Variants in ZBTB16 observed in about 807,000 individuals in gnomAD.
ZBTB16 encodes zinc finger and BTB domain containing 16.
A neutral mutation model predicts 56.8 loss-of-function variants in ZBTB16; 8 were observed. The observed-to-expected ratio is 0.14, with a 90% confidence interval of 0.08 to 0.25. The LOEUF (loss-of-function observed/expected upper bound fraction) is 0.25. Among genes scored for constraint, ZBTB16 ranks in the 10% least tolerant of loss-of-function variants. ZBTB16 has a pLI of 1.00. For synonymous variants in ZBTB16, 363 were observed against 368.5 expected, an observed-to-expected ratio of 0.98 and a Z score of 0.17; for missense variants, 625 against 903.0, an observed-to-expected ratio of 0.69 and a Z score of 3.95.
rs934582668 is a variant in ZBTB16, at chr11:114,143,797, G to T, written c.1269-12540G>T. ...GCAGTCAGAGTCAAGGTTAAGAATC[G>T]ATCTCTTCATTCTGTTTCAAGATTA... On this transcript the variant is annotated intron_variant, in intron 2 of 6. Transcript: ENST00000335953. The surrounding 1 kb of genome is among the most constrained non-coding windows in gnomAD (Gnocchi z 6.4). 1.3e-5 allele frequency among the ~76,000 whole-genome samples: 2 copies of T among 152,178 alleles called. No individual in the cohort carries two copies. The highest frequency in any genetic ancestry group is 4.8e-5 in the African/African-American group (2 of 41,432).
At chr11:114,154,216 G>A (rs1478111768) in intron 2 of ZBTB16, among the ~76,000 whole-genome samples, 1 of 152,196 alleles carries the variant, frequency 6.6e-6, no homozygotes, top group Non-Finnish European at 1.5e-5. Flanking sequence ...GGTCACTCTA[G>A]TGTCCCTTTG....
intron 2 of ZBTB16, among the ~76,000 whole-genome samples, chr11:114,066,326 C>T (rs1939116180): frequency 6.6e-6 from 1 of 151,874 alleles, no homozygotes; most frequent in Admixed American, 6.6e-5. Flanking sequence ...CCAGTGGGTG[C>T]GAAAAATAAC....
intron 2 of ZBTB16, among the ~76,000 whole-genome samples, chr11:114,154,171 G>GT (rs1942346267): frequency 6.6e-6 from 1 of 152,206 alleles, no homozygotes; most frequent in Admixed American, 6.5e-5. Flanking sequence ...CCAGAGGGGA[G>GT]TTTAGCCTGG....
intron 2 of ZBTB16, among the ~76,000 whole-genome samples, chr11:114,086,023 G>C (rs1040865764): frequency 1.3e-5 from 2 of 152,112 alleles, no homozygotes; most frequent in Non-Finnish European, 2.9e-5. Context: ...GGGTGGTGGT[G>C]GTAAAGAGCC....
chr11:114,189,261 T>C (rs1416804896), intron 4 of ZBTB16: 1 of 152,096 alleles, frequency 6.6e-6, no homozygotes, highest in Non-Finnish European at 1.5e-5. Flanking sequence ...AATTAAATAA[T>C]GGGCAAAGGT....
intron 2 of ZBTB16, among the ~76,000 whole-genome samples, chr11:114,120,969 T>G (rs2137804029): frequency 6.6e-6 from 1 of 152,304 alleles, no homozygotes; most frequent in Middle Eastern, 3.4e-3. Context: ...CAGCACCTAC[T>G]CTGGAGTCGG....
chr11:114,102,658 T>G (rs1455410155), intron 2 of ZBTB16, among the ~76,000 whole-genome samples: 1 of 151,696 alleles, frequency 6.6e-6, no homozygotes, highest in East Asian at 1.9e-4. Context: ...AGAGGGGTGC[T>G]TTTTGCTGAT....
At chr11:114,152,950 G>A (rs150850346) in intron 2 of ZBTB16, among the ~76,000 whole-genome samples, 8 of 152,344 alleles carry the variant, frequency 5.3e-5, no homozygotes, top group African/African-American at 1.4e-4. Context: ...TGATCTAAAT[G>A]CTTTGCAGTT....
chr11:114,233,337 G>A (rs1262323242), intron 4 of ZBTB16, among the ~76,000 whole-genome samples: 1 of 151,886 alleles, frequency 6.6e-6, no homozygotes, highest in Admixed American at 6.6e-5. Context: ...TTTAATCCTC[G>A]GATTCATTAG....
rs919197390 is a variant in ZBTB16 at position 114,160,256 on chromosome 11, AT to A, written c.1366+3832del. On this transcript the variant is annotated intron_variant, in intron 3 of 6. Transcript: ENST00000335953. The stretch of plus-strand genomic sequence containing the variant: ...CCAAGTTTGTCATCATACACCATTA[AT>A]TTTTTTTTTCTAATCTGGTTGGGGT... Among the ~76,000 whole-genome samples, 24 of 150,614 alleles carry A rather than the reference AT, an allele frequency of 1.6e-4. 1 individual carries two copies. The highest frequency in any genetic ancestry group is 4.4e-4 in the African/African-American group (18 of 41,018).
At position 114,148,445 on chromosome 11, in the gene ZBTB16, C is replaced by CTTTCTTTCTT. The variant is rs1555143959; in HGVS notation, c.1269-7891_1269-7890insTTCTTTCTTT. On this transcript the variant is annotated intron_variant, in intron 2 of 6. Transcript: ENST00000335953. Reference sequence around the variant, plus strand: ...CCTCCCTCTCTCTCTCTTTCTCTCTCTCTGTCTGTCTGTCTCTCTCTCTCT... The same window carrying CTTTCTTTCTT: ...CCTCCCTCTCTCTCTCTTTCTCTCTCTTTCTTTCTTTCTGTCTGTCTGTCTCTCTCTCTCT... 8.8e-4 allele frequency among the ~76,000 whole-genome samples: 50 copies of CTTTCTTTCTT among 56,912 alleles called. 2 individuals are homozygous for CTTTCTTTCTT. The highest frequency in any genetic ancestry group is 1.3e-3 in the Admixed American group (6 of 4,772). 37.3% of individuals were successfully genotyped at this position (56,912 alleles called of 152,430 possible).
intron 4 of ZBTB16, among the ~76,000 whole-genome samples, chr11:114,241,813 C>A (rs533746735): frequency 3.3e-4 from 51 of 152,316 alleles, no homozygotes; most frequent in Middle Eastern, 3.4e-3. Context: ...TTGCCTCCCC[C>A]ACTTTTTGCC....
At chr11:114,094,722 G>A (rs987604915) in intron 2 of ZBTB16, among the ~76,000 whole-genome samples, 1 of 152,244 alleles carries the variant, frequency 6.6e-6, no homozygotes, top group African/African-American at 2.4e-5. Context: ...ATCCCACAGT[G>A]AGCTGGTTGG....
At chr11:114,089,004 C>T (rs957419494) in intron 2 of ZBTB16, among the ~76,000 whole-genome samples, 1 of 152,184 alleles carries the variant, frequency 6.6e-6, no homozygotes, top group African/African-American at 2.4e-5. Context: ...CGAGCAAGGC[C>T]TGGGGACGAG....
chr11:114,155,012 G>T (rs1440542669), intron 2 of ZBTB16, among the ~76,000 whole-genome samples: 1 of 151,046 alleles, frequency 6.6e-6, no homozygotes, highest in Non-Finnish European at 1.5e-5. Context: ...TGGGTGGCTC[G>T]GTTTTGCTAC....
chr11:114,139,292 A>G (rs1230471402), intron 2 of ZBTB16, among the ~76,000 whole-genome samples: 1 of 151,994 alleles, frequency 6.6e-6, no homozygotes, highest in Non-Finnish European at 1.5e-5. Context: ...CCTGAAGGGG[A>G]TGGGGGCTGC....
chr11:114,071,791 GTTAT>G (rs1304027909), intron 2 of ZBTB16, among the ~76,000 whole-genome samples: 1 of 152,110 alleles, frequency 6.6e-6, no homozygotes, highest in Non-Finnish European at 1.5e-5. Context: ...CTCTCTGGCA[GTTAT>G]TTAAGTAGTA....
chr11:114,179,647 A>G (rs1943199229), intron 3 of ZBTB16, among the ~76,000 whole-genome samples: 1 of 152,098 alleles, frequency 6.6e-6, no homozygotes, highest in Non-Finnish European at 1.5e-5. Flanking sequence ...GTGTTTTTTC[A>G]GTGGTTCTTT....
At chr11:114,089,470 C>T (rs757875023) in intron 2 of ZBTB16, among the ~76,000 whole-genome samples, 1 of 152,018 alleles carries the variant, frequency 6.6e-6, no homozygotes, top group South Asian at 2.1e-4. Context: ...TTTTTTTCTA[C>T]CCCAGTACCC....
Sources: gnomAD v4.1 joint callset for allele counts (sites outside exome capture counted in the v4.1 genomes callset) on GRCh38, gnomAD v4.1.1 for gene constraint, Gnocchi (gnomAD v3.1) non-coding constraint, MANE v1.5 for transcripts, NCBI Gene and HGNC (gene_info 2026-07-23, HGNC 2026-07-21) for gene names.